AGBL3: variants seen among roughly 807,000 people sequenced by gnomAD.
AGBL3 encodes cytosolic carboxypeptidase 3.
AGBL3 carries 68 observed loss-of-function variants against 94.5 expected under a neutral mutation model. The observed-to-expected ratio is 0.72, with a 90% CI of 0.59 to 0.88. The LOEUF is 0.88. Ranked by LOEUF, AGBL3 falls within the 40% of genes least tolerant of loss-of-function variation. The pLI is 0.00. For missense variants in AGBL3, 934 were observed against 1,103.8 expected (o/e 0.85, Z 2.18); for synonymous variants, 354 against 370.7 (o/e 0.95, Z 0.52).
At chr7:134,989,338 T>G in intron 3 of AGBL3, 28 bp downstream of exon 3, 1 of 1,488,030 alleles carries the variant, frequency 6.7e-7, no homozygotes, top group African/African-American at 1.4e-5. Context: ...TAGTTTTTGT[T>G]TAGCATAAAA....
In AGBL3 at chr7:135,130,534, C is replaced by G. The variant is rs570114825; in HGVS notation, c.2343-4307C>G. Among the ~76,000 whole-genome samples the G allele has an allele frequency of 4.6e-4, 65 of 141,144 alleles. 2 individuals are homozygous for G. In the South Asian group the frequency reaches 0.016, roughly 35 times the overall value. The allele number at this position is 141,144 out of a possible 152,430, so 92.6% of individuals were successfully genotyped here. ...CCTACCTTCTGTTTGTAAGGACAGT[C>G]TTAATATTAATTCCAGCAACACATG... On this transcript the variant is annotated intron_variant, in intron 16 of 16. Transcript: ENST00000436302.
chr7:135,037,954 G>C (rs935806270), intron 8 of AGBL3, among the ~76,000 whole-genome samples: 2 of 151,932 alleles, frequency 1.3e-5, no homozygotes, highest in African/African-American at 4.8e-5. Flanking sequence ...TAAGAAATGT[G>C]TAACAGTTTC....
intron 12 of AGBL3, among the ~76,000 whole-genome samples, chr7:135,066,301 T>C (rs1819295425): frequency 6.6e-6 from 1 of 152,238 alleles, no homozygotes; most frequent in Non-Finnish European, 1.5e-5. Flanking sequence ...ACTAAGCTGA[T>C]TTTAAAATGG....
chr7:135,086,659 A>G (rs1206400535), intron 15 of AGBL3, among the ~76,000 whole-genome samples: 2 of 152,032 alleles, frequency 1.3e-5, no homozygotes, highest in Non-Finnish European at 2.9e-5. Context: ...ATATTGATTC[A>G]TCCTTGCATC....
intron 4 of AGBL3, among the ~76,000 whole-genome samples, chr7:135,008,361 T>A (rs1812666675): frequency 6.6e-6 from 1 of 152,106 alleles, no homozygotes; most frequent in Non-Finnish European, 1.5e-5. Context: ...TTGACAAGGA[T>A]GGCAAGACTA....
rs775552650 is a variant in AGBL3, at chr7:135,076,435, C to G, written c.1947C>G (p.Thr649=). 1.3e-6 allele frequency: 2 copies of G among 1,549,042 alleles called. No individual in the cohort carries two copies. Among genetic ancestry groups the G allele is most frequent in the South Asian group, 2.4e-5 (2 of 83,938 alleles). ...HLKTKKERNS[T]IASHQNARGQ... ...AAACAAAGAAGGAAAGGAATTCTAC[C>G]ATAGCAAGCCACCAAAATGCCAGAG... Residue 649 remains threonine (T), a synonymous_variant, in exon 13 of 17, where the codon ACC becomes ACG. Coordinates refer to ENST00000436302, the MANE Select transcript of AGBL3 (RefSeq NM_178563.4).
chr7:135,097,174 C>T (rs937185269), intron 15 of AGBL3, among the ~76,000 whole-genome samples: 1 of 152,080 alleles, frequency 6.6e-6, no homozygotes, highest in Non-Finnish European at 1.5e-5. Flanking sequence ...ATTACATTTC[C>T]TGGTTCAAAG....
At chr7:135,116,706 C>T (rs114967018) in intron 16 of AGBL3, among the ~76,000 whole-genome samples, 56 of 152,318 alleles carry the variant, frequency 3.7e-4, no homozygotes, top group African/African-American at 1.3e-3. Flanking sequence ...CCCCATTATA[C>T]CTCATAAGAG....
chr7:135,122,299 C>T (rs963438781), intron 16 of AGBL3, among the ~76,000 whole-genome samples: 1 of 152,164 alleles, frequency 6.6e-6, no homozygotes, highest in Non-Finnish European at 1.5e-5. Context: ...TCAGGCCTGA[C>T]CCTGACCCAT....
chr7:135,085,003 C>G (rs1821220079), intron 15 of AGBL3, among the ~76,000 whole-genome samples: 1 of 152,042 alleles, frequency 6.6e-6, no homozygotes, highest in Admixed American at 6.6e-5. Context: ...CTCTCCAATA[C>G]TTGTTATCTT....
At position 135,045,500 on chromosome 7, in the gene AGBL3, A is replaced by G; in HGVS notation, c.1654A>G (p.Thr552Ala). ...TAACAAACGAGGCACTCATTTCAGCACGAAAGACCTGGAATCAATGGGATA... is the reference window on the plus strand; with the variant it reads ...TAACAAACGAGGCACTCATTTCAGCGCGAAAGACCTGGAATCAATGGGATA... ...LGNKRGTHFS[T>A]KDLESMGYHF... is the part of the protein sequence containing the mutation. The change falls in exon 10 of 17, where the codon ACG becomes GCG. Residue 552 changes from threonine (T) to alanine (A), a missense_variant. Physicochemically the swap from Thr to Ala is moderately conservative, Grantham distance 58. Coordinates refer to ENST00000436302, the MANE Select transcript of AGBL3 (RefSeq NM_178563.4). 6.4e-7 allele frequency: 1 copy of G among 1,551,222 alleles called. No homozygotes were observed. The highest frequency in any genetic ancestry group is 8.7e-7 in the Non-Finnish European group (1 of 1,146,608).
chr7:135,075,056 A>T (rs1316345981), intron 12 of AGBL3, among the ~76,000 whole-genome samples: 1 of 152,224 alleles, frequency 6.6e-6, no homozygotes, highest in South Asian at 2.1e-4. Flanking sequence ...ATTCAGAGAG[A>T]TGCCAGGGAC....
intron 15 of AGBL3, 78 bp from the exon 16 acceptor site, chr7:135,115,302 T>C: frequency 1.1e-6 from 1 of 928,950 alleles, no homozygotes; most frequent in Non-Finnish European, 1.6e-6. Context: ...GATAAAATCC[T>C]TGGCATATAA....
chr7:135,115,538 A>G lies in AGBL3; in HGVS notation c.2269A>G (p.Ser757Gly). Residue 757 changes from serine to glycine, a missense_variant, in exon 16 of 17, where the codon AGC (serine) becomes GGC (glycine). Ser to Gly is a moderately conservative substitution (Grantham distance 56). This residue lies in a region of AGBL3 where 441 missense variants were observed against 518.2 expected (regional missense o/e 0.85). Coordinates refer to ENST00000436302, the MANE Select transcript of AGBL3 (RefSeq NM_178563.4). ...ILQYLLPIVHSTKNMQTTQIK... is the reference protein window; with the variant it reads ...ILQYLLPIVHGTKNMQTTQIK... ...GCAGTATTTGCTCCCCATCGTGCAT[A>G]GCACTAAAAACATGCAAACCACTCA... 1 of 1,551,532 alleles carries G rather than the reference A, an allele frequency of 6.4e-7. No homozygotes were observed. The highest frequency in any genetic ancestry group is 8.7e-7 in the Non-Finnish European group (1 of 1,146,860).
intron 15 of AGBL3, among the ~76,000 whole-genome samples, chr7:135,104,349 C>T (rs578017095): frequency 6.6e-6 from 1 of 152,214 alleles, no homozygotes; most frequent in Admixed American, 6.5e-5. Context: ...CATGTCTTTG[C>T]TATTATTCAC....
At chr7:135,065,397 C>G (rs927870269) in intron 12 of AGBL3, among the ~76,000 whole-genome samples, 1 of 152,178 alleles carries the variant, frequency 6.6e-6, no homozygotes, top group Non-Finnish European at 1.5e-5. Context: ...AACAACAAAG[C>G]TGGAGGCATC....
At chr7:135,057,634 A>G (rs1486782890) in intron 11 of AGBL3, among the ~76,000 whole-genome samples, 1 of 152,204 alleles carries the variant, frequency 6.6e-6, no homozygotes, top group Non-Finnish European at 1.5e-5. Flanking sequence ...TTGGCAGTTT[A>G]CAAAGCTAAG....
chr7:135,065,391 A>G (rs1236377483), intron 12 of AGBL3, among the ~76,000 whole-genome samples: 2 of 152,238 alleles, frequency 1.3e-5, no homozygotes, highest in South Asian at 2.1e-4. Flanking sequence ...AGCAAGAACA[A>G]CAAAGCTGGA....
At chr7:134,999,585 G>C (rs1811454526) in intron 4 of AGBL3, among the ~76,000 whole-genome samples, 3 of 152,198 alleles carry the variant, frequency 2.0e-5, no homozygotes, top group Admixed American at 2.0e-4. Flanking sequence ...TCCTGGAAGA[G>C]TGTTCTTCTG....
Sources: gnomAD v4.1 joint callset for allele counts (sites outside exome capture counted in the v4.1 genomes callset) on GRCh38, gnomAD v4.1.1 for gene constraint, gnomAD v4.1.1 regional missense constraint, MANE v1.5 for transcripts, NCBI Gene and HGNC (gene_info 2026-07-23, HGNC 2026-07-21) for gene names.